TSNAXIP1: variants seen among roughly 807,000 people sequenced by gnomAD.
The protein encoded by TSNAXIP1 is translin-associated factor X-interacting protein 1.
In TSNAXIP1, 89 loss-of-function variants were observed where a neutral mutation model predicts 84.8. That is an observed-to-expected ratio of 1.05 (90% CI 0.88 to 1.25). The LOEUF (loss-of-function observed/expected upper bound fraction) is 1.25. Ranked by LOEUF, TSNAXIP1 falls within the 50% of genes most tolerant of loss-of-function variation. TSNAXIP1 has a pLI of 0.00. For synonymous variants in TSNAXIP1, 347 were observed against 335.2 expected, an observed-to-expected ratio of 1.04 and a Z score of -0.39; for missense variants, 874 against 887.6, an observed-to-expected ratio of 0.98 and a Z score of 0.20.
intron 2 of TSNAXIP1, among the ~76,000 whole-genome samples, chr16:67,816,892 G>A (rs1269862081): frequency 6.6e-6 from 1 of 151,962 alleles, no homozygotes; most frequent in Non-Finnish European, 1.5e-5. Flanking sequence ...GCAAGCAAAG[G>A]AGGGTAGCCA....
rs749671869 is a variant in TSNAXIP1, at chr16:67,824,635, C to T, written c.534C>T (p.Val178=). 1 of 1,614,094 alleles carries T rather than the reference C, an allele frequency of 6.2e-7. No individual in the cohort carries two copies. Among genetic ancestry groups the T allele is most frequent in the Non-Finnish European group, 8.5e-7 (1 of 1,180,004 alleles). The change falls in exon 6 of 16, where the codon GTC becomes GTT. Residue 178 remains valine (V), a synonymous_variant. Coordinates refer to ENST00000561639, the MANE Select transcript of TSNAXIP1 (RefSeq NM_001288990.3). The part of the protein sequence containing the change: ...RALEPLKAKL[V]TVNEDCNERI... Reference sequence around the variant, plus strand: ...TGGAGCCCCTGAAGGCCAAGCTTGTCACTGTGAATGAGGACTGCAATGAGA... The same window carrying T: ...TGGAGCCCCTGAAGGCCAAGCTTGTTACTGTGAATGAGGACTGCAATGAGA...
intron 1 of TSNAXIP1, among the ~76,000 whole-genome samples, chr16:67,812,668 G>GA (rs542677734): frequency 0.12 from 15,843 of 131,016 alleles, 1,498 homozygotes; most frequent in Middle Eastern, 0.3. Context: ...TCTGTCTCAA[G>GA]AAAAAAAAAA....
chr16:67,821,929 G>A (rs1037005948), intron 4 of TSNAXIP1, among the ~76,000 whole-genome samples: 2 of 151,916 alleles, frequency 1.3e-5, no homozygotes, highest in Non-Finnish European at 2.9e-5. Flanking sequence ...AGGTTGCAGT[G>A]AGCCGAGATC....
Position 67,826,759 on chromosome 16 carries a change from C to G in TSNAXIP1, c.1469C>G (p.Ala490Gly). ...EHRFGPSDAMAWAYTIFENIK... is the reference protein window; with the variant it reads ...EHRFGPSDAMGWAYTIFENIK... ...CGCTTTGGGCCCAGTGATGCCATGG[C>G]CTGGGCTTATACTATTTTTGAAAAT... The change falls in exon 12 of 16, where the codon GCC becomes GGC. Residue 490 changes from alanine to glycine, a missense_variant. Ala to Gly is a moderately conservative substitution (Grantham distance 60). Transcript: ENST00000561639. The G allele has an allele frequency of 6.2e-7, 1 of 1,614,144 alleles. No homozygotes were observed. Among genetic ancestry groups the G allele is most frequent in the Non-Finnish European group, 8.5e-7 (1 of 1,180,020 alleles).
intron 2 of TSNAXIP1, among the ~76,000 whole-genome samples, chr16:67,819,220 A>C (rs2056833775): frequency 6.6e-6 from 1 of 151,894 alleles, no homozygotes; most frequent in Non-Finnish European, 1.5e-5. Context: ...TACATACATA[A>C]ATAATTACAT....
Position 67,825,580 on chromosome 16 carries a change from G to A in TSNAXIP1, c.815-87G>A, listed in dbSNP as rs2057374688. On this transcript the variant is annotated intron_variant, in intron 7 of 15. Transcript: ENST00000561639. ...GGTAGTGCTGTGGGCAAGAACCAGG[G>A]AACCCCAAACAGGAAGGGCAGAGGG... 7.3e-6 allele frequency: 11 copies of A among 1,510,540 alleles called. No homozygotes were observed. In the South Asian group the frequency reaches 7.8e-5, roughly 11 times the overall value. The allele number at this position is 1,510,540 out of a possible 1,614,324, so 93.6% of individuals were successfully genotyped here.
intron 2 of TSNAXIP1, 126 bp from the exon 3 acceptor site, chr16:67,820,713 C>T (rs755860255): frequency 6.7e-5 from 43 of 637,084 alleles, no homozygotes; most frequent in Non-Finnish European, 9.0e-5. Flanking sequence ...CACCACACTC[C>T]AGCCTGGGCA....
At chr16:67,814,139 C>A (rs1175455496) in intron 1 of TSNAXIP1, among the ~76,000 whole-genome samples, 163 bp from the exon 2 acceptor site, 1 of 152,154 alleles carries the variant, frequency 6.6e-6, no homozygotes, top group African/African-American at 2.4e-5. Flanking sequence ...ATGGTTTGGA[C>A]CCAAGGCCAG....
chr16:67,825,391 G>T, intron 7 of TSNAXIP1, 119 bp downstream of exon 7: 1 of 1,391,594 alleles, frequency 7.2e-7, no homozygotes, highest in South Asian at 1.3e-5. Flanking sequence ...TAACCATTCA[G>T]AGGGGAGATG....
At chr16:67,807,348 GA>G in intron 1 of TSNAXIP1, 152 bp downstream of exon 1, 1 of 1,533,820 alleles carries the variant, frequency 6.5e-7, no homozygotes. Flanking sequence ...GAATCGGGCT[GA>G]TTTAGCCCAG....
intron 11 of TSNAXIP1, 61 bp downstream of exon 11, chr16:67,826,623 T>A: frequency 1.2e-6 from 2 of 1,612,006 alleles, no homozygotes; most frequent in Non-Finnish European, 8.5e-7. Flanking sequence ...CCTCTGCAGG[T>A]CCAGAGGTGA....
At chr16:67,818,994 G>A (rs765638492) in intron 2 of TSNAXIP1, among the ~76,000 whole-genome samples, 11 of 151,788 alleles carry the variant, frequency 7.2e-5, no homozygotes, top group Non-Finnish European at 1.3e-4. Flanking sequence ...TGAGCTGGGC[G>A]CGATGGCTCA....
chr16:67,827,498 T>G lies in TSNAXIP1; in HGVS notation c.1817T>G (p.Phe606Cys). The G allele has an allele frequency of 6.2e-7, 1 of 1,614,156 alleles. No homozygotes were observed. Among genetic ancestry groups the G allele is most frequent in the Non-Finnish European group, 8.5e-7 (1 of 1,180,034 alleles). Residue 606 changes from phenylalanine to cysteine, a missense_variant, in exon 15 of 16, where the codon TTT becomes TGT. By Grantham distance (205) the Phe-to-Cys change is radical. Transcript: ENST00000561639. ...GATGAGGAGGGCCAGAGTGAGCCCT[T>G]TGTGCAAAAACTCTGGGAACAATAC... ...MEDEEGQSEP[F>C]VQKLWEQYMD...
chr16:67,824,056 T>C (rs1209585522), intron 5 of TSNAXIP1, among the ~76,000 whole-genome samples: 5 of 146,136 alleles, frequency 3.4e-5, no homozygotes, highest in Non-Finnish European at 4.5e-5. Context: ...CTCCCCTCCT[T>C]GTCCCAGCCT....
At position 67,825,163 on chromosome 16, in the gene TSNAXIP1, T is replaced by C. The variant is rs766443782; in HGVS notation, c.705T>C (p.Ala235=). Residue 235 remains alanine (A), a synonymous_variant, in exon 7 of 16, where the codon GCT becomes GCC. Coordinates refer to ENST00000561639, the MANE Select transcript of TSNAXIP1 (RefSeq NM_001288990.3). ...SEVTKLRKNL[A]EEYLHYLSER... is the part of the protein sequence containing the mutation. ...TGACCAAACTGAGGAAGAACTTGGC[T>C]GAGGAGTACCTGCACTACCTCAGTG... The C allele has an allele frequency of 1.2e-6, 2 of 1,614,102 alleles. No individual in the cohort carries two copies. The highest frequency in any genetic ancestry group is 2.2e-5 in the South Asian group (2 of 91,072).
intron 2 of TSNAXIP1, 77 bp from the exon 3 acceptor site, chr16:67,820,762 G>T (rs371584883): frequency 3.5e-6 from 4 of 1,137,126 alleles, no homozygotes; most frequent in Non-Finnish European, 2.5e-6. Context: ...AGTCAGGACT[G>T]GGGGAGGAGA....
chr16:67,824,652 G>A lies in TSNAXIP1; in HGVS notation c.551G>A (p.Cys184Tyr), dbSNP rs1314519525. 4 of 1,614,176 alleles carry A rather than the reference G, an allele frequency of 2.5e-6. No individual in the cohort carries two copies. The highest frequency in any genetic ancestry group is 3.4e-6 in the Non-Finnish European group (4 of 1,180,030). Reference sequence around the variant, plus strand: ...AAGCTTGTCACTGTGAATGAGGACTGCAATGAGAGGATCCTGGCCATGAGA... The same window carrying A: ...AAGCTTGTCACTGTGAATGAGGACTACAATGAGAGGATCCTGGCCATGAGA... Reference protein sequence around the residue: ...KAKLVTVNEDCNERILAMRAE... With the variant: ...KAKLVTVNEDYNERILAMRAE... Residue 184 changes from cysteine to tyrosine, a missense_variant, in exon 6 of 16, where the codon TGC becomes TAC. Transcript: ENST00000561639.
rs748233722 is a variant in TSNAXIP1, at chr16:67,827,904, G to A, written c.2050G>A (p.Val684Met). Residue 684 changes from valine to methionine, a missense_variant, in exon 16 of 16, where the codon GTG becomes ATG. Coordinates refer to ENST00000561639, the MANE Select transcript of TSNAXIP1 (RefSeq NM_001288990.3). Reference protein sequence around the residue: ...PEEGDEKEEAVVEILQTALER... With the variant: ...PEEGDEKEEAMVEILQTALER... ...GGAGGGTGACGAGAAGGAAGAAGCC[G>A]TGGTGGAAATCCTCCAGACTGCCCT... 1.4e-5 allele frequency: 22 copies of A among 1,614,082 alleles called. No individual in the cohort carries two copies. Among genetic ancestry groups the A allele is most frequent in the Middle Eastern group, 1.6e-4 (1 of 6,062 alleles).
chr16:67,814,553 C>T lies in TSNAXIP1; in HGVS notation c.147+152C>T, dbSNP rs533045077. ...TTCTTCTCAGTTAGAGAGTGTGGCT[C>T]AGAGAGGCCAGGCCCACCAGGCTTT... On this transcript the variant is annotated intron_variant, in intron 2 of 15. Transcript: ENST00000561639. Among the ~76,000 whole-genome samples, 4 of 152,240 alleles carry T rather than the reference C, an allele frequency of 2.6e-5. No homozygotes were observed. The East Asian group carries it at 7.7e-4, about 29-fold the overall frequency.
Sources: allele counts gnomAD v4.1 joint callset (sites outside exome capture counted in the v4.1 genomes callset), GRCh38; gene constraint gnomAD v4.1.1; transcripts MANE v1.5; gene names NCBI Gene and HGNC (gene_info 2026-07-23, HGNC 2026-07-21).